GRM7: variants seen among roughly 807,000 people sequenced by gnomAD.
The protein encoded by GRM7 is metabotropic glutamate receptor 7.
In GRM7, 35 loss-of-function variants were observed where a neutral mutation model predicts 84.5. That is an observed-to-expected ratio of 0.41 (90% CI 0.32 to 0.55). The LOEUF (loss-of-function observed/expected upper bound fraction) is 0.55, where lower values mean the gene tolerates loss of function less well. Ranked by LOEUF, GRM7 falls within the 20% of genes least tolerant of loss-of-function variation. The probability of loss-of-function intolerance (pLI) is 0.19; values close to 1 mark genes in which losing one functional copy is unlikely to be tolerated. For synonymous variants in GRM7, 487 were observed against 455.1 expected, an observed-to-expected ratio of 1.07 and a Z score of -0.89; for missense variants, 1,003 against 1,194.6, an observed-to-expected ratio of 0.84 and a Z score of 2.36.
intron 2 of GRM7, among the ~76,000 whole-genome samples, chr3:7,154,751 T>C (rs1040559192): frequency 2.0e-5 from 3 of 152,126 alleles, no homozygotes; most frequent in Non-Finnish European, 4.4e-5. Context: ...ATAGTTTACA[T>C]TGGGAAGTAG....
chr3:7,478,733 T>C (rs921497187), intron 7 of GRM7, among the ~76,000 whole-genome samples: 1 of 152,100 alleles, frequency 6.6e-6, no homozygotes, highest in Non-Finnish European at 1.5e-5. Context: ...GTCCTAGCTA[T>C]CAACTAGTGT....
chr3:6,892,371 C>T (rs948464252), intron 1 of GRM7, among the ~76,000 whole-genome samples: 4 of 152,102 alleles, frequency 2.6e-5, no homozygotes, highest in Non-Finnish European at 5.9e-5. Flanking sequence ...CTTAATTTTG[C>T]ATGATTCTAT....
intron 2 of GRM7, among the ~76,000 whole-genome samples, chr3:7,168,759 A>G (rs1014907426): frequency 3.3e-5 from 5 of 152,216 alleles, no homozygotes; most frequent in African/African-American, 1.2e-4. Context: ...CAGAGACTGC[A>G]TTCAGCATTC....
intron 1 of GRM7, among the ~76,000 whole-genome samples, chr3:7,126,228 T>C (rs1192193144): frequency 6.6e-6 from 1 of 152,210 alleles, no homozygotes; most frequent in African/African-American, 2.4e-5. Context: ...CAGTGATTTC[T>C]ATCCCAAAAT....
At chr3:7,575,902 C>A (rs996715165) in intron 7 of GRM7, among the ~76,000 whole-genome samples, 5 of 151,732 alleles carry the variant, frequency 3.3e-5, no homozygotes, top group African/African-American at 9.7e-5. Context: ...TATTTTATTC[C>A]AAGGGGAAAA....
chr3:7,724,782 C>T (rs1702064808), intron 9 of GRM7, among the ~76,000 whole-genome samples: 1 of 152,100 alleles, frequency 6.6e-6, no homozygotes, highest in Admixed American at 6.5e-5. Flanking sequence ...TCTTTAGAGA[C>T]AGGGTCTCAC....
intron 4 of GRM7, among the ~76,000 whole-genome samples, chr3:7,367,466 G>A (rs1693943483): frequency 6.6e-6 from 1 of 151,860 alleles, no homozygotes; most frequent in African/African-American, 2.4e-5. Context: ...ACAAAATATA[G>A]TTAGAATTAT....
At chr3:7,595,575 G>A (rs1051745617) in intron 8 of GRM7, among the ~76,000 whole-genome samples, 2 of 152,160 alleles carry the variant, frequency 1.3e-5, no homozygotes, top group South Asian at 2.1e-4. Flanking sequence ...TAATATATCA[G>A]TTGCTTAAAT....
intron 1 of GRM7, among the ~76,000 whole-genome samples, chr3:7,104,431 C>G (rs900391785): frequency 1.3e-5 from 2 of 151,632 alleles, no homozygotes; most frequent in African/African-American, 2.4e-5. Context: ...ACTGAAGTGA[C>G]TAAGACACTC....
intron 9 of GRM7, among the ~76,000 whole-genome samples, chr3:7,712,007 C>G (rs1701596131): frequency 6.6e-6 from 1 of 152,158 alleles, no homozygotes; most frequent in Admixed American, 6.5e-5. Context: ...TATGACTGAG[C>G]CACAGCAGAC....
chr3:7,177,927 A>AG (rs1250937188), intron 2 of GRM7, among the ~76,000 whole-genome samples: 1 of 152,070 alleles, frequency 6.6e-6, no homozygotes, highest in African/African-American at 2.4e-5. Flanking sequence ...TTCTGAAATA[A>AG]CTCCTCTAAT....
At chr3:7,278,046 A>G (rs1205500920) in intron 2 of GRM7, among the ~76,000 whole-genome samples, 3 of 152,030 alleles carry the variant, frequency 2.0e-5, no homozygotes, top group Admixed American at 6.5e-5. Context: ...TGAATATTAT[A>G]TTAATTCTTA....
At chr3:7,678,988 T>C (rs1356906402) in intron 8 of GRM7, among the ~76,000 whole-genome samples, 1 of 152,140 alleles carries the variant, frequency 6.6e-6, no homozygotes, top group Non-Finnish European at 1.5e-5. Context: ...GATCCTGCCT[T>C]CATGGAACTT....
At chr3:7,370,740 A>G (rs139577742) in intron 4 of GRM7, among the ~76,000 whole-genome samples, 4 of 152,264 alleles carry the variant, frequency 2.6e-5, no homozygotes, top group South Asian at 2.1e-4. Flanking sequence ...ACCCTCCCTC[A>G]TAGAAGAAAT....
At chr3:6,970,405 T>C (rs1693704326) in intron 1 of GRM7, among the ~76,000 whole-genome samples, 1 of 152,242 alleles carries the variant, frequency 6.6e-6, no homozygotes, top group African/African-American at 2.4e-5. Flanking sequence ...GGACCGTACT[T>C]ACAACATTTC....
chr3:7,573,114 A>C (rs1694787964), intron 7 of GRM7, among the ~76,000 whole-genome samples: 1 of 151,316 alleles, frequency 6.6e-6, no homozygotes, highest in Non-Finnish European at 1.5e-5. Context: ...TAGCTCCTCT[A>C]CCTCACCCCT....
intron 5 of GRM7, among the ~76,000 whole-genome samples, chr3:7,435,324 TGG>T (rs1696999620): frequency 6.6e-6 from 1 of 151,698 alleles, no homozygotes; most frequent in African/African-American, 2.4e-5. Context: ...CCACCACCCC[TGG>T]GTAGTTTTTT....
At chr3:7,199,946 A>G (rs1696009519) in intron 2 of GRM7, among the ~76,000 whole-genome samples, 1 of 152,206 alleles carries the variant, frequency 6.6e-6, no homozygotes, top group Non-Finnish European at 1.5e-5. Context: ...TATAAAAAGG[A>G]AAGAGGTTTA....
At chr3:7,307,992 TG>T (rs1223741746) in intron 4 of GRM7, among the ~76,000 whole-genome samples, 1 of 152,076 alleles carries the variant, frequency 6.6e-6, no homozygotes, top group African/African-American at 2.4e-5. Context: ...GGTGGTGATA[TG>T]GTTGGGGAAG....
Sources: allele counts gnomAD v4.1 joint callset (sites outside exome capture counted in the v4.1 genomes callset), GRCh38; gene constraint gnomAD v4.1.1; transcripts MANE v1.5; gene names NCBI Gene and HGNC (gene_info 2026-07-23, HGNC 2026-07-21).